CRACD: variants seen among roughly 807,000 people sequenced by gnomAD.
CRACD encodes capping protein-inhibiting regulator of actin dynamics.
CRACD carries 56 observed loss-of-function variants against 106.8 expected under a neutral mutation model. That is an observed-to-expected ratio of 0.52 (90% confidence interval 0.42 to 0.66). The LOEUF (loss-of-function observed/expected upper bound fraction) is 0.66. Among genes scored for constraint, CRACD ranks in the 30% least tolerant of loss-of-function variants. The pLI is 0.00. For missense variants in CRACD, 1,730 were observed against 1,623.2 expected (o/e 1.07, Z -1.13); for synonymous variants, 754 against 670.8 (o/e 1.12, Z -1.92).
intron 1 of CRACD, among the ~76,000 whole-genome samples, chr4:56,073,399 G>A (rs1732731114): frequency 6.6e-6 from 1 of 152,152 alleles, no homozygotes; most frequent in African/African-American, 2.4e-5. Flanking sequence ...CTGCATAAAT[G>A]TCTTCTTTTG....
chr4:56,073,018 G>C (rs1258188360), intron 1 of CRACD, among the ~76,000 whole-genome samples: 1 of 152,146 alleles, frequency 6.6e-6, no homozygotes, highest in Non-Finnish European at 1.5e-5. Flanking sequence ...ATGGGCATTT[G>C]GGTTGGTTCC....
chr4:56,130,714 GT>G (rs1016625188), intron 1 of CRACD, among the ~76,000 whole-genome samples: 4 of 151,790 alleles, frequency 2.6e-5, no homozygotes, highest in Non-Finnish European at 5.9e-5. Flanking sequence ...TGTCATAGTT[GT>G]TTTTTTTCCT....
chr4:56,314,377 A>G lies in CRACD; in HGVS notation c.875A>G (p.Gln292Arg). Residue 292 changes from glutamine to arginine, a missense_variant, in exon 8 of 11, where the codon CAG becomes CGG. Physicochemically the swap from Gln to Arg is conservative, Grantham distance 43 (BLOSUM62 1). Coordinates refer to ENST00000682029, the MANE Select transcript of CRACD (RefSeq NM_001393381.1). The surrounding 1 kb of genome is among the most constrained non-coding windows in gnomAD (Gnocchi z 4.4). The part of the protein sequence containing the change: ...EAERAPREEQ[Q>R]RSLEAPGWED... Reference sequence around the variant, plus strand: ...GAAAGGGCGCCGCGGGAAGAGCAGCAGCGGAGCCTGGAAGCGCCAGGTTGG... The same window carrying G: ...GAAAGGGCGCCGCGGGAAGAGCAGCGGCGGAGCCTGGAAGCGCCAGGTTGG... 1 of 1,538,126 alleles carries G rather than the reference A, an allele frequency of 6.5e-7. No individual in the cohort carries two copies. The highest frequency in any genetic ancestry group is 8.8e-7 in the Non-Finnish European group (1 of 1,141,092).
At chr4:56,085,499 T>C (rs1269340634) in intron 1 of CRACD, among the ~76,000 whole-genome samples, 1 of 152,230 alleles carries the variant, frequency 6.6e-6, no homozygotes, top group Non-Finnish European at 1.5e-5. Context: ...AAAACATCTC[T>C]GCCTTACTGG....
At chr4:56,281,586 A>G (rs978143559) in intron 3 of CRACD, among the ~76,000 whole-genome samples, 1 of 152,160 alleles carries the variant, frequency 6.6e-6, no homozygotes, top group African/African-American at 2.4e-5. Context: ...ACATTGCGCT[A>G]TCTGCAATAA....
intron 1 of CRACD, among the ~76,000 whole-genome samples, chr4:56,090,028 G>C (rs1341022766): frequency 6.6e-6 from 1 of 151,836 alleles, no homozygotes; most frequent in Non-Finnish European, 1.5e-5. Flanking sequence ...TATTCTGAGG[G>C]GCATCTAGGG....
intron 2 of CRACD, among the ~76,000 whole-genome samples, chr4:56,260,034 T>A (rs1404912062): frequency 6.6e-6 from 1 of 152,114 alleles, no homozygotes. Context: ...CAACCGAGGT[T>A]TTTGTGGAAG....
chr4:56,287,292 T>C (rs1034633217), intron 3 of CRACD, among the ~76,000 whole-genome samples: 8 of 139,094 alleles, frequency 5.8e-5, no homozygotes, highest in African/African-American at 2.4e-4. Flanking sequence ...ACTTGGCTAA[T>C]TTTTTTTTTT....
chr4:56,133,983 A>C (rs528125312), intron 1 of CRACD, among the ~76,000 whole-genome samples: 1 of 152,138 alleles, frequency 6.6e-6, no homozygotes, highest in East Asian at 1.9e-4. Flanking sequence ...GGGTGATTGC[A>C]TGAGCCCCGG....
intron 1 of CRACD, among the ~76,000 whole-genome samples, chr4:56,105,458 C>T (rs909264786): frequency 6.6e-6 from 1 of 152,176 alleles, no homozygotes; most frequent in Non-Finnish European, 1.5e-5. Context: ...CTGATCATGC[C>T]ACTGTGCTCC....
At chr4:56,057,626 T>C (rs566066470) in intron 1 of CRACD, among the ~76,000 whole-genome samples, 3 of 55,192 alleles carry the variant, frequency 5.4e-5, no homozygotes, top group African/African-American at 3.5e-4. Flanking sequence ...ATAGGTTGGG[T>C]TTTTTTTTTT....
Position 56,157,859 on chromosome 4 carries a change from C to T in CRACD, c.-335-21425C>T, listed in dbSNP as rs543399642. Among the ~76,000 whole-genome samples the T allele has an allele frequency of 1.3e-4, 20 of 152,272 alleles. No homozygotes were observed. The South Asian group carries it at 4.2e-3, about 32-fold the overall frequency. ...GAAGGATGGGACTAACTGGGTCTCT[C>T]TTTTCATTTTGAGTGCCTGGGGCCC... On this transcript the variant is annotated intron_variant, in intron 1 of 10. Transcript: ENST00000682029.
chr4:56,176,507 C>T (rs1394776982), intron 1 of CRACD, among the ~76,000 whole-genome samples: 1 of 150,468 alleles, frequency 6.6e-6, no homozygotes, highest in Non-Finnish European at 1.5e-5. Context: ...CTGCTGACTG[C>T]AAGCTCCACC....
chr4:56,310,592 A>G (rs1745087127), intron 5 of CRACD, 74 bp from the exon 6 acceptor site: 1 of 1,091,316 alleles, frequency 9.2e-7, no homozygotes, highest in African/African-American at 1.5e-5. Context: ...CTACCCAGGC[A>G]CAGACAGTGT....
intron 2 of CRACD, among the ~76,000 whole-genome samples, chr4:56,241,949 G>A (rs934451883): frequency 2.6e-5 from 4 of 152,112 alleles, no homozygotes; most frequent in African/African-American, 7.2e-5. Context: ...AGTAAGTTTT[G>A]TTCCCTAAAA....
At chr4:56,096,550 CA>C (rs1733605207) in intron 1 of CRACD, among the ~76,000 whole-genome samples, 1 of 151,700 alleles carries the variant, frequency 6.6e-6, no homozygotes, top group African/African-American at 2.4e-5. Flanking sequence ...CCATCTCTAC[CA>C]AAAAATGCAA....
intron 2 of CRACD, among the ~76,000 whole-genome samples, chr4:56,186,547 T>C (rs369422367): frequency 1.2e-4 from 19 of 152,212 alleles, no homozygotes; most frequent in Admixed American, 3.9e-4. Flanking sequence ...GGGCATTTTG[T>C]TGATTCCTTT....
At chr4:56,050,488 T>C (rs144812099) in intron 1 of CRACD, among the ~76,000 whole-genome samples, 3,573 of 152,280 alleles carry the variant, frequency 0.023, 63 homozygotes, top group Admixed American at 0.059. Flanking sequence ...TGGAATTATA[T>C]AAAAAATGGC....
chr4:56,232,009 T>C (rs998297517), intron 2 of CRACD, among the ~76,000 whole-genome samples: 4 of 152,230 alleles, frequency 2.6e-5, no homozygotes, highest in African/African-American at 7.2e-5. Flanking sequence ...ATGGTGTTTA[T>C]TGCAGTTATA....
Sources: gnomAD v4.1 joint callset for allele counts (sites outside exome capture counted in the v4.1 genomes callset) on GRCh38, gnomAD v4.1.1 for gene constraint, Gnocchi (gnomAD v3.1) non-coding constraint, MANE v1.5 for transcripts, NCBI Gene and HGNC (gene_info 2026-07-23, HGNC 2026-07-21) for gene names.